The following OR10J1 variants were observed in gnomAD, a reference collection of about 807,000 sequenced individuals.
The protein encoded by OR10J1 is olfactory receptor 10J1.
For synonymous variants in OR10J1, 202 were observed against 143.8 expected (o/e 1.40, Z -2.89); for missense variants, 474 against 376.6 (o/e 1.26, Z -2.14).
chr1:159,410,167 G>C, the OR10J1 span, among the ~76,000 whole-genome samples: 2 of 152,042 alleles, frequency 1.3e-5, no homozygotes, highest in East Asian at 3.9e-4. Flanking sequence ...CTCTTTTTTG[G>C]TTGTGTCTCT....
upstream of OR10J1, among the ~76,000 whole-genome samples, chr1:159,438,639 TCAA>T (rs1163365432): frequency 1.3e-5 from 2 of 152,262 alleles, no homozygotes; most frequent in Non-Finnish European, 2.9e-5. Context: ...CAGCTGGTCA[TCAA>T]CTTCTTTTAA....
chr1:159,417,591 CTA>C, the OR10J1 span, among the ~76,000 whole-genome samples: 1 of 152,198 alleles, frequency 6.6e-6, no homozygotes, highest in Non-Finnish European at 1.5e-5. Context: ...CCACGTGGAA[CTA>C]TGAGTCCACT....
the OR10J1 span, among the ~76,000 whole-genome samples, chr1:159,411,325 G>A: frequency 1.2e-4 from 18 of 152,102 alleles, no homozygotes; most frequent in Non-Finnish European, 2.4e-4. Context: ...TTTATTGTGT[G>A]GGAGTCTAAG....
upstream of OR10J1, among the ~76,000 whole-genome samples, chr1:159,435,959 C>G (rs1412540632): frequency 2.0e-5 from 3 of 152,138 alleles, no homozygotes; most frequent in Non-Finnish European, 4.4e-5. Flanking sequence ...CATCCCTAAT[C>G]TGTAAAATTA....
At chr1:159,413,809 T>G in the OR10J1 span, among the ~76,000 whole-genome samples, 1 of 151,462 alleles carries the variant, frequency 6.6e-6, no homozygotes, top group South Asian at 2.1e-4. Flanking sequence ...CTGCACATTG[T>G]GCACATGTAC....
the OR10J1 span, among the ~76,000 whole-genome samples, chr1:159,399,111 C>T: frequency 6.6e-6 from 1 of 151,598 alleles, no homozygotes; most frequent in Non-Finnish European, 1.5e-5. Flanking sequence ...GGAAACATTA[C>T]AGGCCAGGAG....
chr1:159,404,993 GGT>G, the OR10J1 span, among the ~76,000 whole-genome samples: 1 of 152,070 alleles, frequency 6.6e-6, no homozygotes, highest in Non-Finnish European at 1.5e-5. Flanking sequence ...CCATGATAAT[GGT>G]GGTGCAAGAC....
the OR10J1 span, among the ~76,000 whole-genome samples, chr1:159,402,885 A>C: frequency 6.6e-6 from 1 of 152,130 alleles, no homozygotes; most frequent in Non-Finnish European, 1.5e-5. Flanking sequence ...AGTAACCAAA[A>C]CAGCATACTA....
chr1:159,439,606 C>G (rs1655843833), upstream of OR10J1: 3 of 694,742 alleles, frequency 4.3e-6, no homozygotes, highest in Non-Finnish European at 7.2e-6. Context: ...CAGATGGTCA[C>G]AGAGTAAAAA....
chr1:159,405,975 C>T, the OR10J1 span: 10 of 458,180 alleles, frequency 2.2e-5, no homozygotes, highest in African/African-American at 6.0e-5. Flanking sequence ...CTATGAATAC[C>T]GTAAGGGGTT....
upstream of OR10J1, among the ~76,000 whole-genome samples, chr1:159,439,411 G>C (rs772682591): frequency 3.3e-5 from 5 of 152,160 alleles, no homozygotes; most frequent in Non-Finnish European, 5.9e-5. Context: ...ACCTCTGAGT[G>C]TAATACGGTT....
the OR10J1 span, among the ~76,000 whole-genome samples, chr1:159,429,201 A>T: frequency 6.6e-6 from 1 of 152,240 alleles, no homozygotes; most frequent in Non-Finnish European, 1.5e-5. Flanking sequence ...CAGGTACTGC[A>T]AAGCAGGCAA....
chr1:159,404,529 G>A, the OR10J1 span, among the ~76,000 whole-genome samples: 6 of 152,026 alleles, frequency 3.9e-5, no homozygotes, highest in South Asian at 4.1e-4. Flanking sequence ...TATTACGAGA[G>A]GGCAGTAAAA....
chr1:159,400,251 T>C, the OR10J1 span, among the ~76,000 whole-genome samples: 1 of 151,922 alleles, frequency 6.6e-6, no homozygotes, highest in South Asian at 2.1e-4. Context: ...TGAATGCGAA[T>C]GGACTAAACT....
the OR10J1 span, among the ~76,000 whole-genome samples, chr1:159,430,668 T>TGC: frequency 2.3e-4 from 16 of 69,710 alleles, no homozygotes; most frequent in Non-Finnish European, 4.5e-4. Context: ...TGTGTGTGTG[T>TGC]GCGCGCGCGC....
chr1:159,424,328 T>C, the OR10J1 span, among the ~76,000 whole-genome samples: 3 of 151,332 alleles, frequency 2.0e-5, no homozygotes, highest in Non-Finnish European at 2.9e-5. Flanking sequence ...TATGTGTTAA[T>C]ATGCACATAC....
At chr1:159,410,405 C>T in the OR10J1 span, among the ~76,000 whole-genome samples, 23 of 152,282 alleles carry the variant, frequency 1.5e-4, no homozygotes, top group Non-Finnish European at 2.4e-4. Flanking sequence ...AGAGATTCAA[C>T]TTCTTCCTGG....
chr1:159,424,456 A>G, the OR10J1 span, among the ~76,000 whole-genome samples: 1 of 48,990 alleles, frequency 2.0e-5, no homozygotes, highest in Non-Finnish European at 1.1e-4. Flanking sequence ...ATGTAAATAT[A>G]TAATATAAAT....
At chr1:159,413,155 G>T in the OR10J1 span, among the ~76,000 whole-genome samples, 30 of 152,182 alleles carry the variant, frequency 2.0e-4, no homozygotes, top group Non-Finnish European at 4.1e-4. Context: ...CCTCACACTT[G>T]TTAGAATGGC....
Sources: allele counts gnomAD v4.1 joint callset (sites outside exome capture counted in the v4.1 genomes callset), GRCh38; gene constraint gnomAD v4.1.1; transcripts MANE v1.5; gene names NCBI Gene and HGNC (gene_info 2026-07-23, HGNC 2026-07-21).